SNX29: variants seen among roughly 807,000 people sequenced by gnomAD.
SNX29 encodes sorting nexin 29, also known as sorting nexin-29.
Under a neutral mutation model 102.1 loss-of-function variants are expected in SNX29, and 78 were observed. That is an observed-to-expected ratio of 0.76 (90% CI 0.64 to 0.92). The LOEUF (loss-of-function observed/expected upper bound fraction) is 0.92. SNX29 is among the 40% of genes least tolerant of loss of function. SNX29 has a pLI of 0.00. For missense variants in SNX29, 1,280 were observed against 1,061.7 expected (o/e 1.21, Z -2.86); for synonymous variants, 580 against 414.5 (o/e 1.40, Z -4.85).
At chr16:12,480,194 C>A (rs1437163691) in intron 19 of SNX29, among the ~76,000 whole-genome samples, 1 of 152,176 alleles carries the variant, frequency 6.6e-6, no homozygotes, top group Non-Finnish European at 1.5e-5. Flanking sequence ...AAAACAAATT[C>A]ATTATCTTAC....
intron 13 of SNX29, chr16:12,135,827 A>G (rs1387625800): frequency 1.1e-5 from 4 of 366,080 alleles, no homozygotes; most frequent in Admixed American, 8.2e-5. Context: ...GAGCACGTGT[A>G]TTTTCTCTGC....
chr16:11,979,218 T>A lies in SNX29; in HGVS notation c.7+2405T>A, dbSNP rs189505422. Among the ~76,000 whole-genome samples the A allele has an allele frequency of 3.3e-3, 409 of 125,454 alleles. 3 individuals carry two copies. The highest frequency in any genetic ancestry group is 0.012 in the African/African-American group (383 of 32,220). The allele number at this position is 125,454 out of a possible 152,430, so 82.3% of individuals were successfully genotyped here. A position where few individuals can be genotyped will look rare whatever the true frequency, so the allele number is the denominator to read the frequency against. ...TGAACCCAGGAGGTGGACATTGCAG[T>A]GAGCGGTGATCATGCCACTGCACTC... On this transcript the variant is annotated intron_variant, in intron 1 of 20. Coordinates refer to ENST00000566228, the MANE Select transcript of SNX29 (RefSeq NM_032167.5).
chr16:12,421,354 A>C (rs923322912), intron 18 of SNX29, among the ~76,000 whole-genome samples: 1 of 152,222 alleles, frequency 6.6e-6, no homozygotes, highest in African/African-American at 2.4e-5. Flanking sequence ...GGAGAGAGTA[A>C]AAACCAAGGT....
rs1396307698 is a variant in SNX29 at position 12,035,422 on chromosome 16, T to C, written c.248-7475T>C. ...ATAAAGGAGGTGGTATGCTGTAAAC[T>C]CTTGTAGGATGTGGGTGTATTATGC... On this transcript the variant is annotated intron_variant, in intron 4 of 20. Transcript: ENST00000566228. Among the ~76,000 whole-genome samples, 9 of 152,106 alleles carry C rather than the reference T, an allele frequency of 5.9e-5. No individual in the cohort carries two copies. In the East Asian group the frequency reaches 1.4e-3, roughly 23 times the overall value.
At chr16:12,410,483 G>A (rs1423187339) in intron 18 of SNX29, among the ~76,000 whole-genome samples, 1 of 152,196 alleles carries the variant, frequency 6.6e-6, no homozygotes, top group East Asian at 1.9e-4. Flanking sequence ...GTCTCGCTTT[G>A]TCACTCAGGC....
chr16:12,179,937 T>G (rs2076344480), intron 13 of SNX29, among the ~76,000 whole-genome samples: 1 of 152,232 alleles, frequency 6.6e-6, no homozygotes, highest in African/African-American at 2.4e-5. Flanking sequence ...TTTACTAGAC[T>G]ATATCTAGGT....
intron 3 of SNX29, among the ~76,000 whole-genome samples, chr16:12,018,074 A>G (rs1327912971): frequency 6.6e-6 from 1 of 151,878 alleles, no homozygotes; most frequent in Non-Finnish European, 1.5e-5. Context: ...CCTGGCCTGT[A>G]CCCCAGAACA....
intron 13 of SNX29, among the ~76,000 whole-genome samples, chr16:12,140,378 C>A (rs1260657587): frequency 6.6e-6 from 1 of 152,232 alleles, no homozygotes; most frequent in African/African-American, 2.4e-5. Flanking sequence ...CCCGGGCCAG[C>A]TGTGTTACTT....
chr16:12,043,840 G>C (rs1447515773), intron 5 of SNX29, among the ~76,000 whole-genome samples: 1 of 152,072 alleles, frequency 6.6e-6, no homozygotes, highest in East Asian at 1.9e-4. Context: ...TGCAACCTCC[G>C]TCTCCTAGTT....
chr16:12,054,656 T>C (rs2050445995), intron 8 of SNX29, among the ~76,000 whole-genome samples: 1 of 152,234 alleles, frequency 6.6e-6, no homozygotes, highest in African/African-American at 2.4e-5. Flanking sequence ...CCCCCAGCTT[T>C]CCTGGGTCTT....
chr16:12,425,530 A>T lies in SNX29; in HGVS notation c.2037+22001A>T, dbSNP rs1434510342. Among the ~76,000 whole-genome samples the T allele has an allele frequency of 2.5e-3, 151 of 60,548 alleles. 1 individual carries two copies. The highest frequency in any genetic ancestry group is 9.6e-3 in the African/African-American group (118 of 12,342). The allele number at this position is 60,548 out of a possible 152,430, so 39.7% of individuals were successfully genotyped here. On this transcript the variant is annotated intron_variant, in intron 18 of 20. Coordinates refer to ENST00000566228, the MANE Select transcript of SNX29 (RefSeq NM_032167.5). ...CCACACTACCCAAATGACCAGAGTT[A>T]AAAAAAAAAAAAAATAAAAAAAATA...
At chr16:12,434,868 C>G (rs2085467065) in intron 18 of SNX29, among the ~76,000 whole-genome samples, 1 of 151,340 alleles carries the variant, frequency 6.6e-6, no homozygotes, top group Non-Finnish European at 1.5e-5. Flanking sequence ...CACTTTGTAA[C>G]AGACGTTACA....
chr16:11,987,518 T>C (rs1446194018), intron 1 of SNX29, among the ~76,000 whole-genome samples: 1 of 150,454 alleles, frequency 6.6e-6, no homozygotes, highest in African/African-American at 2.4e-5. Context: ...TGCCTTAGAC[T>C]CCCGAGTAGC....
intron 1 of SNX29, among the ~76,000 whole-genome samples, chr16:11,980,635 T>G (rs1301878247): frequency 6.6e-6 from 1 of 152,224 alleles, no homozygotes; most frequent in Admixed American, 6.5e-5. Flanking sequence ...ACCAGCAGCA[T>G]ATGAGGGTTC....
chr16:12,177,340 G>C (rs747604374), intron 13 of SNX29, among the ~76,000 whole-genome samples: 6 of 152,202 alleles, frequency 3.9e-5, no homozygotes, highest in South Asian at 4.1e-4. Flanking sequence ...CTGTAAAGTA[G>C]TAGGAGGAGA....
intron 19 of SNX29, among the ~76,000 whole-genome samples, chr16:12,523,586 CT>C (rs2090181666): frequency 6.6e-6 from 1 of 152,240 alleles, no homozygotes; most frequent in African/African-American, 2.4e-5. Context: ...TGTGGAGCCC[CT>C]GGTTCCAAAT....
chr16:12,537,600 T>C (rs1053051838), intron 20 of SNX29, among the ~76,000 whole-genome samples: 1 of 152,338 alleles, frequency 6.6e-6, no homozygotes, highest in African/African-American at 2.4e-5. Context: ...GTTCAAACTC[T>C]CACTTCAGTC....
At chr16:12,463,845 TGTGTGTGTGA>T (rs1039481744) in intron 18 of SNX29, among the ~76,000 whole-genome samples, 3 of 150,454 alleles carry the variant, frequency 2.0e-5, no homozygotes, top group Non-Finnish European at 4.4e-5. Flanking sequence ...TGTGTGTGTG[TGTGTGTGTGA>T]GAGATGACAC....
chr16:12,188,975 T>C (rs907320139), intron 13 of SNX29, among the ~76,000 whole-genome samples: 1 of 152,148 alleles, frequency 6.6e-6, no homozygotes, highest in Non-Finnish European at 1.5e-5. Context: ...GTTATGATTG[T>C]GATATGGCAG....
Sources: gnomAD v4.1 joint callset for allele counts (sites outside exome capture counted in the v4.1 genomes callset) on GRCh38, gnomAD v4.1.1 for gene constraint, MANE v1.5 for transcripts, NCBI Gene and HGNC (gene_info 2026-07-23, HGNC 2026-07-21) for gene names.